GPCPD1: variants seen among roughly 807,000 people sequenced by gnomAD.
GPCPD1 encodes the protein glycerophosphocholine phosphodiesterase GPCPD1.
A neutral mutation model predicts 89.2 loss-of-function variants in GPCPD1; 29 were observed. The ratio of observed to expected loss-of-function variants is 0.33; its 90% CI spans 0.24 to 0.44. The LOEUF is 0.44. Ranked by LOEUF, GPCPD1 falls within the 20% of genes least tolerant of loss-of-function variation. GPCPD1 has a pLI of 1.00. For synonymous variants in GPCPD1, 258 were observed against 266.3 expected (o/e 0.97, Z 0.30); for missense variants, 594 against 808.9 (o/e 0.73, Z 3.22).
rs777381421 is a variant in GPCPD1, at chr20:5,559,916, GA to G, written c.1532+23del. 35 of 1,388,358 alleles carry G rather than the reference GA, an allele frequency of 2.5e-5. No homozygotes were observed. In the South Asian group the frequency reaches 3.6e-4, roughly 14 times the overall value. The allele number at this position is 1,388,358 out of a possible 1,614,324, so 86.0% of individuals were successfully genotyped here. A position where few individuals can be genotyped will look rare whatever the true frequency, so the allele number is the denominator to read the frequency against. ...TCCTAGACACATTCTAAGAGTATAGGAAAAAATACAGAGTATTACTCACATT... is the reference window on the plus strand; with the variant it reads ...TCCTAGACACATTCTAAGAGTATAGGAAAAATACAGAGTATTACTCACATT... On this transcript the variant is annotated intron_variant, in intron 17 of 19. Transcript: ENST00000379019.
intron 5 of GPCPD1, 114 bp downstream of exon 5, chr20:5,586,080 C>T: frequency 2.0e-6 from 1 of 511,726 alleles, no homozygotes; most frequent in Non-Finnish European, 3.6e-6. Context: ...GTAGCACTGA[C>T]AATGCATTGA....
At chr20:5,563,897 T>A (rs1414112020) in intron 15 of GPCPD1, among the ~76,000 whole-genome samples, 1 of 152,206 alleles carries the variant, frequency 6.6e-6, no homozygotes, top group Non-Finnish European at 1.5e-5. Flanking sequence ...CACATTTCCA[T>A]GCACGTGTTA....
intron 15 of GPCPD1, among the ~76,000 whole-genome samples, chr20:5,563,074 C>T (rs1986183423): frequency 6.6e-6 from 1 of 151,960 alleles, no homozygotes; most frequent in Non-Finnish European, 1.5e-5. Flanking sequence ...GCTCCGCCTC[C>T]TGAGTTCACG....
chr20:5,596,424 G>C (rs1172959212), intron 3 of GPCPD1, among the ~76,000 whole-genome samples: 2 of 152,144 alleles, frequency 1.3e-5, no homozygotes, highest in Non-Finnish European at 2.9e-5. Context: ...GAACTATTTG[G>C]TGAACTAAAG....
intron 16 of GPCPD1, 140 bp from the exon 17 acceptor site, chr20:5,560,216 C>G: frequency 2.0e-6 from 1 of 498,578 alleles, no homozygotes; most frequent in Non-Finnish European, 3.6e-6. Flanking sequence ...ATGATGAAAC[C>G]TGAAAAGATT....
intron 11 of GPCPD1, among the ~76,000 whole-genome samples, chr20:5,570,443 A>C (rs943517195): frequency 6.6e-6 from 1 of 151,662 alleles, no homozygotes; most frequent in Non-Finnish European, 1.5e-5. Flanking sequence ...AAAAAAAAAA[A>C]AAAACGGACA....
chr20:5,561,427 TAG>T (rs1485747814), intron 16 of GPCPD1, 36 bp downstream of exon 16: 7 of 1,120,174 alleles, frequency 6.2e-6, no homozygotes, highest in Admixed American at 5.4e-5. Flanking sequence ...TAGATAGGCA[TAG>T]AGAGTATAGA....
Position 5,559,991 on chromosome 20 carries a change from G to T in GPCPD1, c.1481C>A (p.Ser494Tyr), listed in dbSNP as rs777683264. The change falls in exon 17 of 20, where the codon TCT (serine) becomes TAT (tyrosine). Residue 494 changes from serine to tyrosine, a missense_variant. Coordinates refer to ENST00000379019, the MANE Select transcript of GPCPD1 (RefSeq NM_019593.5). ...DIILKTVLENSGKRRIVFSSF... is the reference protein window; with the variant it reads ...DIILKTVLENYGKRRIVFSSF... ...AGAAAACACTATTCTCCTCTTCCCA[G>T]AATTTTCTAAAACAGTTTTTAAAAT... 12 of 1,570,702 alleles carry T rather than the reference G, an allele frequency of 7.6e-6. No individual in the cohort carries two copies. Among genetic ancestry groups the T allele is most frequent in the Non-Finnish European group, 1.0e-5 (12 of 1,150,318 alleles).
intron 1 of GPCPD1, among the ~76,000 whole-genome samples, chr20:5,608,325 A>G (rs576879051): frequency 6.6e-6 from 1 of 152,162 alleles, no homozygotes; most frequent in Non-Finnish European, 1.5e-5. Flanking sequence ...AACCTCTCCA[A>G]AAGTCAACAA....
intron 9 of GPCPD1, 57 bp from the exon 10 acceptor site, chr20:5,575,602 T>C: frequency 2.6e-6 from 3 of 1,175,654 alleles, no homozygotes; most frequent in Non-Finnish European, 3.7e-6. Context: ...AGGGCCATTA[T>C]GAGCTACATT....
At chr20:5,590,870 T>A (rs904719250) in intron 4 of GPCPD1, among the ~76,000 whole-genome samples, 7 of 152,240 alleles carry the variant, frequency 4.6e-5, no homozygotes, top group Admixed American at 4.6e-4. Context: ...GCTATGAAAG[T>A]TAGAAACATA....
intron 19 of GPCPD1, among the ~76,000 whole-genome samples, chr20:5,552,490 T>A (rs774856218): frequency 6.6e-6 from 1 of 152,236 alleles, no homozygotes; most frequent in African/African-American, 2.4e-5. Flanking sequence ...AGATGAAGAA[T>A]CTGCCTGAAA....
intron 12 of GPCPD1, among the ~76,000 whole-genome samples, chr20:5,569,626 C>T (rs1458023723): frequency 3.3e-5 from 5 of 152,140 alleles, no homozygotes; most frequent in African/African-American, 1.2e-4. Flanking sequence ...ATTCCTATTT[C>T]ATCAGCTACC....
intron 2 of GPCPD1, 45 bp downstream of exon 2, chr20:5,604,319 T>C (rs199794182): frequency 6.3e-6 from 6 of 955,652 alleles, no homozygotes; most frequent in African/African-American, 1.6e-5. Context: ...ATAAGAAACA[T>C]GCTAATTTAA....
rs947844114 is a variant in GPCPD1, at chr20:5,603,019, C to G, written c.49+1345G>C. Among the ~76,000 whole-genome samples the G allele has an allele frequency of 2.0e-5, 3 of 147,754 alleles. No homozygotes were observed. The East Asian group carries it at 5.9e-4, about 29-fold the overall frequency. On this transcript the variant is annotated intron_variant, in intron 2 of 19. Coordinates refer to ENST00000379019, the MANE Select transcript of GPCPD1 (RefSeq NM_019593.5). ...AAAAAAAAAAAAAGAGGGGGCTGGG[C>G]ACGGTGGCTCCTACCTGTAATCCAG...
In GPCPD1 at chr20:5,603,813, C is replaced by T. The variant is rs191713757; in HGVS notation, c.49+551G>A. 4.7e-5 allele frequency among the ~76,000 whole-genome samples: 7 copies of T among 148,628 alleles called. No individual in the cohort carries two copies. The East Asian group carries it at 1.4e-3, about 30-fold the overall frequency. ...CCAGGGTGGAGTGCAATGGCACGAT[C>T]TCAGGTCACTGCAACCTCTGCCTCC... is the stretch of plus-strand genomic sequence containing the variant. On this transcript the variant is annotated intron_variant, in intron 2 of 19. Transcript: ENST00000379019.
At chr20:5,597,375 C>A (rs373773815) in intron 3 of GPCPD1, among the ~76,000 whole-genome samples, 24 of 152,178 alleles carry the variant, frequency 1.6e-4, no homozygotes, top group African/African-American at 5.8e-4. Flanking sequence ...CTTTACTCAA[C>A]CTGTCTGGTG....
rs182990227 is a variant in GPCPD1, at chr20:5,575,595, G to A, written c.869-50C>T. The A allele has an allele frequency of 6.7e-5, 81 of 1,215,958 alleles. No individual in the cohort carries two copies. In the African/African-American group the frequency reaches 1.1e-3, roughly 16 times the overall value. The allele number at this position is 1,215,958 out of a possible 1,614,324, so 75.3% of individuals were successfully genotyped here. A position where few individuals can be genotyped will look rare whatever the true frequency, so the allele number is the denominator to read the frequency against. The stretch of plus-strand genomic sequence containing the variant: ...AACAAAAATAAAAATGATTAAAAGG[G>A]CCATTATGAGCTACATTATATTTAA... On this transcript the variant is annotated intron_variant, in intron 9 of 19. Transcript: ENST00000379019.
At chr20:5,609,098 G>C (rs1980784307) in intron 1 of GPCPD1, among the ~76,000 whole-genome samples, 1 of 152,222 alleles carries the variant, frequency 6.6e-6, no homozygotes, top group Non-Finnish European at 1.5e-5. Context: ...ATTCACTTTA[G>C]AGCTAAATTG....
Sources: allele counts gnomAD v4.1 joint callset (sites outside exome capture counted in the v4.1 genomes callset), GRCh38; gene constraint gnomAD v4.1.1; transcripts MANE v1.5; gene names NCBI Gene and HGNC (gene_info 2026-07-23, HGNC 2026-07-21).